The following PAM variants were observed in gnomAD, a reference collection of about 807,000 sequenced individuals.
PAM encodes peptidylglycine alpha-amidating monooxygenase.
PAM carries 72 observed loss-of-function variants against 122.1 expected under a neutral mutation model. The observed-to-expected ratio is 0.59, with a 90% CI of 0.49 to 0.72. PAM has a LOEUF of 0.72. Among genes scored for constraint, PAM ranks in the 30% least tolerant of loss-of-function variants. The pLI is 0.00. For missense variants in PAM, 1,106 were observed against 1,183.7 expected, an observed-to-expected ratio of 0.93 and a Z score of 0.96; for synonymous variants, 389 against 404.4, an observed-to-expected ratio of 0.96 and a Z score of 0.46.
chr5:102,900,253 G>GT (rs1483617456), intron 3 of PAM, among the ~76,000 whole-genome samples: 3 of 120,660 alleles, frequency 2.5e-5, no homozygotes, highest in Non-Finnish European at 3.5e-5. Context: ...ATGTGTGTGT[G>GT]TGGGGGGGGG....
intron 1 of PAM, among the ~76,000 whole-genome samples, chr5:102,809,071 A>G (rs1420519952): frequency 1.3e-5 from 2 of 152,208 alleles, no homozygotes; most frequent in Non-Finnish European, 2.9e-5. Context: ...TGCCTTATCA[A>G]TAAACAATAA....
Position 102,831,738 on chromosome 5 carries a change from C to T in PAM, c.-373-34085C>T, listed in dbSNP as rs879511205. On this transcript the variant is annotated intron_variant, in intron 1 of 25. Transcript: ENST00000438793. ...CTAACAATGATGATTACTCTGCCTC[C>T]GTACAGTATTCACTTTAACTAGAAA... Among the ~76,000 whole-genome samples the T allele has an allele frequency of 3.3e-5, 5 of 152,016 alleles. No homozygotes were observed. The East Asian group carries it at 5.8e-4, about 18-fold the overall frequency.
intron 16 of PAM, among the ~76,000 whole-genome samples, chr5:102,995,278 C>T (rs1775350390): frequency 6.6e-6 from 1 of 152,126 alleles, no homozygotes; most frequent in Non-Finnish European, 1.5e-5. Flanking sequence ...TTTCAGTGTT[C>T]TATCTTTCTC....
At chr5:102,887,510 T>C (rs1316727918) in intron 3 of PAM, among the ~76,000 whole-genome samples, 1 of 151,974 alleles carries the variant, frequency 6.6e-6, no homozygotes, top group Non-Finnish European at 1.5e-5. Context: ...CTAAGACAGT[T>C]GTGTTCTTCA....
chr5:103,008,797 C>T (rs1779789616), intron 20 of PAM, among the ~76,000 whole-genome samples: 1 of 151,816 alleles, frequency 6.6e-6, no homozygotes, highest in Admixed American at 6.6e-5. Context: ...TGTCAGGACC[C>T]TTTACTTAAT....
chr5:103,029,112 G>T lies in PAM; in HGVS notation c.*47G>T. 2.0e-6 allele frequency: 3 copies of T among 1,486,736 alleles called. No individual in the cohort carries two copies. The highest frequency in any genetic ancestry group is 2.8e-6 in the Non-Finnish European group (3 of 1,085,242). The allele number at this position is 1,486,736 out of a possible 1,614,324, so 92.1% of individuals were successfully genotyped here. ...TGAGTAAGATTTACCCAGAATGTCA[G>T]ATTCCTTTCCCTTTAGCACGTTTAA... On this transcript the variant is annotated 3_prime_UTR_variant, in exon 26 of 26. Transcript: ENST00000438793.
At chr5:102,791,924 C>G (rs1017481960) in intron 1 of PAM, among the ~76,000 whole-genome samples, 4 of 152,138 alleles carry the variant, frequency 2.6e-5, no homozygotes, top group Non-Finnish European at 4.4e-5. Flanking sequence ...TGCTTCATTA[C>G]TCCAAATATT....
chr5:102,856,969 A>C (rs750662585), intron 1 of PAM, among the ~76,000 whole-genome samples: 2 of 152,148 alleles, frequency 1.3e-5, no homozygotes, highest in Non-Finnish European at 2.9e-5. Context: ...ACAACAACAA[A>C]AAACAGCAAC....
chr5:102,947,905 G>C (rs998752381), intron 8 of PAM, among the ~76,000 whole-genome samples: 1 of 152,100 alleles, frequency 6.6e-6, no homozygotes, highest in African/African-American at 2.4e-5. Flanking sequence ...TAAATCCATT[G>C]AGCCAATTGG....
intron 7 of PAM, among the ~76,000 whole-genome samples, chr5:102,931,805 A>ACTCTCT (rs879417466): frequency 2.9e-5 from 4 of 140,280 alleles, no homozygotes; most frequent in South Asian, 2.2e-4. Context: ...AACAAACAAC[A>ACTCTCT]CACTCTCTCT....
intron 3 of PAM, among the ~76,000 whole-genome samples, chr5:102,882,064 T>C (rs1259082035): frequency 6.1e-5 from 1 of 16,382 alleles, no homozygotes; most frequent in East Asian, 1.8e-3. Context: ...TATATATATA[T>C]ATATATATAT....
Position 103,028,937 on chromosome 5 carries a change from G to A in PAM, c.2794G>A (p.Gly932Ser), listed in dbSNP as rs749480659. ...TGGTAATTTCTTTGCAAGCCGTAAG[G>A]GCTACAGTCGAAAAGGGTTTGACCG... ...NLGNFFASRK[G>S]YSRKGFDRLS... Residue 932 changes from glycine (G) to serine (S), a missense_variant, in exon 26 of 26, where the codon GGC (glycine) becomes AGC (serine). Coordinates refer to ENST00000438793, the MANE Select transcript of PAM (RefSeq NM_001177306.2). 12 of 1,613,514 alleles carry A rather than the reference G, an allele frequency of 7.4e-6. No homozygotes were observed. Among genetic ancestry groups the A allele is most frequent in the African/African-American group, 6.7e-5 (5 of 74,848 alleles).
At chr5:102,847,801 C>T (rs1035735942) in intron 1 of PAM, among the ~76,000 whole-genome samples, 2 of 152,180 alleles carry the variant, frequency 1.3e-5, no homozygotes, top group South Asian at 2.1e-4. Context: ...AAACTGAAAT[C>T]GGTCAGAGAA....
chr5:102,891,517 T>A (rs570474326), intron 3 of PAM, among the ~76,000 whole-genome samples: 37 of 151,980 alleles, frequency 2.4e-4, no homozygotes, highest in African/African-American at 8.2e-4. Flanking sequence ...ACTTTGCCCT[T>A]GACCATTATG....
chr5:102,999,168 C>T (rs1327691859), intron 16 of PAM, among the ~76,000 whole-genome samples: 4 of 152,314 alleles, frequency 2.6e-5, no homozygotes, highest in South Asian at 4.1e-4. Flanking sequence ...TCTACCAGGT[C>T]CCTCCCAAAT....
intron 1 of PAM, among the ~76,000 whole-genome samples, chr5:102,776,406 T>C (rs1419865891): frequency 1.3e-5 from 2 of 152,176 alleles, no homozygotes; most frequent in Non-Finnish European, 1.5e-5. Context: ...ATGAAATCTT[T>C]TCCCATGCCT....
chr5:102,773,890 C>T (rs1425109681), intron 1 of PAM, among the ~76,000 whole-genome samples: 2 of 151,962 alleles, frequency 1.3e-5, no homozygotes, highest in Non-Finnish European at 2.9e-5. Flanking sequence ...TCAAGTAGAC[C>T]CCAGTATCTG....
rs547394785 is a variant in PAM, at chr5:103,003,427, A to G, written c.1730+278A>G. ...GTCTGTTCAGGTCCTTGCCTATTTC[A>G]TAATTGCTAAATGAGTATATTTGGA... On this transcript the variant is annotated intron_variant, in intron 17 of 25. Coordinates refer to ENST00000438793, the MANE Select transcript of PAM (RefSeq NM_001177306.2). Among the ~76,000 whole-genome samples the G allele has an allele frequency of 3.9e-5, 6 of 152,274 alleles. No homozygotes were observed. In the South Asian group the frequency reaches 1.2e-3, roughly 32 times the overall value.
chr5:102,975,239 G>T (rs1047312066), intron 15 of PAM, among the ~76,000 whole-genome samples: 1 of 152,194 alleles, frequency 6.6e-6, no homozygotes, highest in African/African-American at 2.4e-5. Context: ...GGATATGCGT[G>T]CATGGCAGCT....
Sources: allele counts gnomAD v4.1 joint callset (sites outside exome capture counted in the v4.1 genomes callset), GRCh38; gene constraint gnomAD v4.1.1; transcripts MANE v1.5; gene names NCBI Gene and HGNC (gene_info 2026-07-23, HGNC 2026-07-21).